The following FYB1 variants were observed in gnomAD, a reference collection of about 807,000 sequenced individuals.
FYB1 encodes the protein FYN binding protein 1.
A neutral mutation model predicts 94.1 loss-of-function variants in FYB1; 41 were observed. The observed-to-expected ratio is 0.44, with a 90% CI of 0.34 to 0.57. FYB1 has a LOEUF of 0.57. Ranked by LOEUF, FYB1 falls within the 20% of genes least tolerant of loss-of-function variation. The pLI is 0.02. For missense variants in FYB1, 1,050 were observed against 976.8 expected, an observed-to-expected ratio of 1.07 and a Z score of -1.00; for synonymous variants, 367 against 353.2, an observed-to-expected ratio of 1.04 and a Z score of -0.44.
chr5:39,131,843 G>A (rs2150311607), intron 9 of FYB1, among the ~76,000 whole-genome samples: 1 of 152,272 alleles, frequency 6.6e-6, no homozygotes, highest in Admixed American at 6.5e-5. Flanking sequence ...GGAATAAGGA[G>A]CAAAGCTCCT....
At chr5:39,239,886 C>T (rs185674670) in intron 1 of FYB1, among the ~76,000 whole-genome samples, 4 of 152,244 alleles carry the variant, frequency 2.6e-5, no homozygotes, top group African/African-American at 7.2e-5. Flanking sequence ...GAGCTGTAGC[C>T]ATCACATTAC....
chr5:39,126,310 A>T (rs1740665271), intron 11 of FYB1, among the ~76,000 whole-genome samples, 175 bp from the exon 12 acceptor site: 1 of 150,490 alleles, frequency 6.6e-6, no homozygotes, highest in Non-Finnish European at 1.5e-5. Context: ...GATCATGGTG[A>T]TTGAATACTG....
intron 1 of FYB1, among the ~76,000 whole-genome samples, chr5:39,236,529 A>T (rs892593324): frequency 6.6e-6 from 1 of 152,146 alleles, no homozygotes; most frequent in Non-Finnish European, 1.5e-5. Context: ...TGCCATATCC[A>T]TAGAGATATA....
At chr5:39,223,900 C>T (rs1040356218), upstream of FYB1, among the ~76,000 whole-genome samples, 7 of 152,156 alleles carry the variant, frequency 4.6e-5, no homozygotes, top group Non-Finnish European at 2.9e-5. Context: ...AAATTTTCTA[C>T]TGTCCCTATC....
intron 2 of FYB1, among the ~76,000 whole-genome samples, chr5:39,167,019 T>C (rs577455325): frequency 6.3e-4 from 96 of 152,192 alleles, no homozygotes; most frequent in Middle Eastern, 6.8e-3. Context: ...AGATGATAAA[T>C]CAGGTTTTAG....
At chr5:39,170,009 G>A (rs1330557742) in intron 2 of FYB1, 6 of 745,610 alleles carry the variant, frequency 8.0e-6, no homozygotes, top group Admixed American at 5.8e-5. Context: ...TGGGATGAAG[G>A]CCTAGGAACA....
chr5:39,180,327 C>T (rs1746108681), intron 2 of FYB1, among the ~76,000 whole-genome samples: 1 of 152,154 alleles, frequency 6.6e-6, no homozygotes, highest in Non-Finnish European at 1.5e-5. Flanking sequence ...TTGTTCTTTT[C>T]CATTTTCACG....
chr5:39,225,076 C>T (rs187992599), intron 1 of FYB1, among the ~76,000 whole-genome samples: 3 of 152,244 alleles, frequency 2.0e-5, no homozygotes, highest in Non-Finnish European at 4.4e-5. Context: ...TGTCTGCTTC[C>T]CCACTTCGCA....
chr5:39,120,497 T>C (rs1739988186), intron 14 of FYB1, among the ~76,000 whole-genome samples: 1 of 152,152 alleles, frequency 6.6e-6, no homozygotes, highest in Non-Finnish European at 1.5e-5. Context: ...CTACTGCTCT[T>C]GCCCAATTCC....
chr5:39,257,568 C>T (rs186932571), intron 1 of FYB1, among the ~76,000 whole-genome samples: 46 of 152,066 alleles, frequency 3.0e-4, no homozygotes, highest in African/African-American at 1.1e-3. Flanking sequence ...AGTGACTTAT[C>T]GCTTTTTACA....
intron 1 of FYB1, among the ~76,000 whole-genome samples, chr5:39,246,214 A>G (rs1751472389): frequency 6.6e-6 from 1 of 152,054 alleles, no homozygotes; most frequent in African/African-American, 2.4e-5. Flanking sequence ...CAGATAGGGG[A>G]CCCTGTGGCA....
At chr5:39,184,529 GC>G (rs1301232347) in intron 2 of FYB1, among the ~76,000 whole-genome samples, 1 of 152,102 alleles carries the variant, frequency 6.6e-6, no homozygotes, top group Non-Finnish European at 1.5e-5. Context: ...TAACTTTCTT[GC>G]CTTTTCAAGA....
intron 2 of FYB1, among the ~76,000 whole-genome samples, chr5:39,183,961 A>G (rs1746499595): frequency 6.6e-6 from 1 of 152,168 alleles, no homozygotes; most frequent in South Asian, 2.1e-4. Flanking sequence ...TGCCTTGAGG[A>G]ATGATGGGTA....
rs1743441809 is a variant in FYB1, at chr5:39,153,470, T to C, written c.1270A>G (p.Ile424Val). 4.3e-6 allele frequency: 7 copies of C among 1,613,774 alleles called. No homozygotes were observed. The highest frequency in any genetic ancestry group is 5.9e-6 in the Non-Finnish European group (7 of 1,179,856). ...TACTTTAGGTCAAACGGAGGTTTAA[T>C]GTTTCTGGGAGGTAGGCTTGGGACT... ...PPVPSLPPRN[I>V]KPPFDLKSPV... Residue 424 changes from isoleucine (I) to valine (V), a missense_variant, in exon 3 of 19, where the codon ATT becomes GTT. Coordinates refer to ENST00000512982, the MANE Select transcript of FYB1 (RefSeq NM_001465.6).
intron 2 of FYB1, among the ~76,000 whole-genome samples, chr5:39,171,551 G>A (rs1432852392): frequency 6.6e-6 from 1 of 152,060 alleles, no homozygotes; most frequent in Non-Finnish European, 1.5e-5. Flanking sequence ...TAAAATAAAT[G>A]GTGGGTACAC....
At chr5:39,265,978 GTTTT>G (rs142472884) in intron 1 of FYB1, among the ~76,000 whole-genome samples, 2 of 134,216 alleles carry the variant, frequency 1.5e-5, no homozygotes, top group African/African-American at 5.4e-5. Flanking sequence ...AATTTTTACT[GTTTT>G]TTTTTTTTTT....
chr5:39,122,239 A>G lies in FYB1; in HGVS notation c.2138+97T>C. ...GAGTCCAGAGCCAACAGGATCGCAC[A>G]CAGTAGACACACATCCCACTGGGTT... On this transcript the variant is annotated intron_variant, in intron 14 of 18. Transcript: ENST00000512982. The G allele has an allele frequency of 4.0e-6, 3 of 759,016 alleles. No homozygotes were observed. In the South Asian group the frequency reaches 4.8e-5, roughly 12 times the overall value. The allele number at this position is 759,016 out of a possible 1,614,324, so 47.0% of individuals were successfully genotyped here.
intron 1 of FYB1, among the ~76,000 whole-genome samples, chr5:39,243,782 G>A (rs1459724041): frequency 6.6e-6 from 1 of 152,152 alleles, no homozygotes; most frequent in East Asian, 1.9e-4. Flanking sequence ...AGCATGGAAT[G>A]TTCTTCCATT....
intron 2 of FYB1, among the ~76,000 whole-genome samples, chr5:39,198,658 T>C (rs1465142704): frequency 6.6e-6 from 1 of 152,136 alleles, no homozygotes; most frequent in Non-Finnish European, 1.5e-5. Context: ...TAAAATAGGC[T>C]TTGTGTGAGA....
Sources: allele counts gnomAD v4.1 joint callset (sites outside exome capture counted in the v4.1 genomes callset), GRCh38; gene constraint gnomAD v4.1.1; transcripts MANE v1.5; gene names NCBI Gene and HGNC (gene_info 2026-07-23, HGNC 2026-07-21).